Variants in AKR1C2 observed in about 807,000 individuals in gnomAD.
AKR1C2 encodes 3-alpha-HSD3.
A neutral mutation model predicts 39.8 loss-of-function variants in AKR1C2; 27 were observed. The ratio of observed to expected loss-of-function variants is 0.68; its 90% CI spans 0.50 to 0.93. AKR1C2 has a LOEUF of 0.93. Among genes scored for constraint, AKR1C2 ranks in the 40% least tolerant of loss-of-function variants. The probability of loss-of-function intolerance (pLI) is 0.00; values close to 1 mark genes in which losing one functional copy is unlikely to be tolerated. For synonymous variants in AKR1C2, 114 were observed against 137.9 expected, an observed-to-expected ratio of 0.83 and a Z score of 1.22; for missense variants, 263 against 365.1, an observed-to-expected ratio of 0.72 and a Z score of 2.28.
chr10:5,000,998 C>T (rs1837251998), intron 2 of AKR1C2, among the ~76,000 whole-genome samples: 2 of 152,166 alleles, frequency 1.3e-5, no homozygotes, highest in African/African-American at 4.8e-5. Flanking sequence ...ATCTATTCAG[C>T]CCAATGGGCA....
intron 8 of AKR1C2, among the ~76,000 whole-genome samples, chr10:4,990,650 T>G (rs554495214): frequency 6.6e-6 from 1 of 152,270 alleles, no homozygotes; most frequent in South Asian, 2.1e-4. Context: ...AAGACACAGA[T>G]AAATGACTGC....
chr10:5,012,849 G>A (rs1175171835), intron 1 of AKR1C2, among the ~76,000 whole-genome samples: 1 of 152,064 alleles, frequency 6.6e-6, no homozygotes, highest in Non-Finnish European at 1.5e-5. Context: ...TTCTTCCTAA[G>A]AGCACATAGG....
At chr10:5,000,157 G>C in intron 3 of AKR1C2, 1 of 1,334,944 alleles carries the variant, frequency 7.5e-7, no homozygotes, top group Non-Finnish European at 9.6e-7. Flanking sequence ...GAGGCAAGAA[G>C]ATGGAAACTC....
chr10:4,996,089 T>C (rs1837027022), intron 5 of AKR1C2: 1 of 687,198 alleles, frequency 1.5e-6, no homozygotes, highest in Admixed American at 3.6e-5. Flanking sequence ...CCTATCCTGG[T>C]TTCTCAATAA....
At chr10:4,991,107 G>T (rs369426576) in intron 8 of AKR1C2, among the ~76,000 whole-genome samples, 1 of 150,864 alleles carries the variant, frequency 6.6e-6, no homozygotes, top group Non-Finnish European at 1.5e-5. Context: ...AATAGTAAAC[G>T]TCTGTTACTG....
upstream of AKR1C2, among the ~76,000 whole-genome samples, chr10:5,005,548 T>C (rs1259126431): frequency 1.3e-4 from 19 of 150,868 alleles, no homozygotes; most frequent in Non-Finnish European, 2.2e-4. Flanking sequence ...ATGGACGTGG[T>C]GGTGAGCACC....
At chr10:5,008,729 G>T (rs1837459949), upstream of AKR1C2, among the ~76,000 whole-genome samples, 1 of 152,242 alleles carries the variant, frequency 6.6e-6, no homozygotes, top group Admixed American at 6.5e-5. Context: ...ACACTCATGT[G>T]CCTCAAGTAA....
rs1305829338 is a variant in AKR1C2 at position 4,996,545 on chromosome 10, A to AT, written c.571-681dup. 8.0e-4 allele frequency among the ~76,000 whole-genome samples: 102 copies of AT among 128,068 alleles called. 1 individual carries two copies. In the East Asian group the frequency reaches 0.018, roughly 22 times the overall value. The allele number at this position is 128,068 out of a possible 152,430, so 84.0% of individuals were successfully genotyped here. A position where few individuals can be genotyped will look rare whatever the true frequency, so the allele number is the denominator to read the frequency against. On this transcript the variant is annotated intron_variant, in intron 5 of 8. Transcript: ENST00000380753. ...CTTCTTTCATATATATTATATATAT[A>AT]TAATATATATATATATGCTGAGTAG...
upstream of AKR1C2, among the ~76,000 whole-genome samples, chr10:5,006,984 G>C (rs1385160300): frequency 6.7e-6 from 1 of 149,464 alleles, no homozygotes; most frequent in Non-Finnish European, 1.5e-5. Context: ...ATGGTAGCCA[G>C]GATGGTCTCT....
rs186055053 is a variant in AKR1C2 at position 5,011,326 on chromosome 10, A to C, written c.-88+6574T>G. Reference sequence around the variant, plus strand: ...TGGGAGGCTGGGAAATTATTGGGTAAATACAATGGACATTATTCTGGTGAT... The same window carrying C: ...TGGGAGGCTGGGAAATTATTGGGTACATACAATGGACATTATTCTGGTGAT... On this transcript the variant is annotated intron_variant, in intron 1 of 6. Coordinates refer to the AKR1C2 transcript ENST00000604507. Among the ~76,000 whole-genome samples, 78 of 152,348 alleles carry C rather than the reference A, an allele frequency of 5.1e-4. 1 individual carries two copies. Among genetic ancestry groups the C allele is most frequent in the African/African-American group, 1.8e-3 (75 of 41,572 alleles).
chr10:5,012,023 C>T (rs570804633), intron 1 of AKR1C2, among the ~76,000 whole-genome samples: 20 of 152,052 alleles, frequency 1.3e-4, no homozygotes, highest in African/African-American at 4.6e-4. Context: ...TCTGCATGTA[C>T]AGCGAAAAAA....
intron 3 of AKR1C2, 178 bp from the exon 4 acceptor site, chr10:4,999,455 G>T (rs1267170514): frequency 7.1e-7 from 1 of 1,409,620 alleles, no homozygotes; most frequent in Admixed American, 2.4e-5. Flanking sequence ...TCAGGTGACA[G>T]GCTTCCTCTA....
chr10:5,012,537 G>C (rs2131728067), intron 1 of AKR1C2, among the ~76,000 whole-genome samples: 1 of 150,810 alleles, frequency 6.6e-6, no homozygotes, highest in South Asian at 2.1e-4. Flanking sequence ...CATGCAGTTG[G>C]CTTTCAAGAT....
intron 1 of AKR1C2, among the ~76,000 whole-genome samples, chr10:5,012,882 C>CAAAG (rs1837552436): frequency 6.6e-6 from 1 of 152,142 alleles, no homozygotes; most frequent in African/African-American, 2.4e-5. Flanking sequence ...TCTGTCATCT[C>CAAAG]AAAGAAAATT....
Position 4,990,030 on chromosome 10 carries a change from C to G in AKR1C2, c.938G>C (p.Gly313Ala), listed in dbSNP as rs187772495. Residue 313 changes from glycine (G) to alanine (A), a missense_variant, in exon 9 of 9, where the codon GGC (glycine) becomes GCC (alanine). Physicochemically the swap from Gly to Ala is moderately conservative, Grantham distance 60. Transcript: ENST00000380753. ...ATCAGAAAATGGATAATTAGGGGGG[C>G]CAGCAAAACTGGAAAGAGAAAAAAA... ...VRYLTLDIFA[G>A]PPNYPFSDEY 4.4e-6 allele frequency: 7 copies of G among 1,601,132 alleles called. No individual in the cohort carries two copies. The highest frequency in any genetic ancestry group is 1.1e-5 in the South Asian group (1 of 88,934).
At chr10:4,998,772 T>A (rs1837153252) in intron 4 of AKR1C2, 25 bp from the exon 5 acceptor site, 1 of 1,613,650 alleles carries the variant, frequency 6.2e-7, no homozygotes, top group Non-Finnish European at 8.5e-7. Context: ...TTGTGAGGTA[T>A]CATTTGTGTA....
chr10:5,004,715 A>C (rs61856085), upstream of AKR1C2: 1 of 146,080 alleles, frequency 6.8e-6, no homozygotes, highest in East Asian at 2.0e-4. Context: ...AATAATCCTC[A>C]CATGGGATAA....
chr10:4,999,662 T>C (rs1554773631), intron 3 of AKR1C2: 1 of 182,786 alleles, frequency 5.5e-6, no homozygotes, highest in Non-Finnish European at 1.1e-5. Context: ...CAGAGTTCTT[T>C]ATCTCCCTGA....
chr10:5,013,215 TA>T (rs1377230011), intron 1 of AKR1C2: 3 of 152,124 alleles, frequency 2.0e-5, no homozygotes, highest in Non-Finnish European at 4.4e-5. Flanking sequence ...ATATTGAAAA[TA>T]AAAAAGTTTT....
Sources: gnomAD v4.1 joint callset for allele counts (sites outside exome capture counted in the v4.1 genomes callset) on GRCh38, gnomAD v4.1.1 for gene constraint, MANE v1.5 for transcripts, NCBI Gene and HGNC (gene_info 2026-07-23, HGNC 2026-07-21) for gene names.